The following B3GLCT variants were observed in gnomAD, a reference collection of about 807,000 sequenced individuals.
The protein encoded by B3GLCT is beta 3-glucosyltransferase, also known as beta-1,3-glucosyltransferase.
In B3GLCT, 65 loss-of-function variants were observed where a neutral mutation model predicts 63.4. The observed-to-expected ratio is 1.03, with a 90% CI of 0.84 to 1.26. The LOEUF is 1.26. B3GLCT is among the 50% of genes most tolerant of loss of function. B3GLCT has a pLI of 0.00. For synonymous variants in B3GLCT, 233 were observed against 219.2 expected (o/e 1.06, Z -0.55); for missense variants, 577 against 604.8 (o/e 0.95, Z 0.48).
In B3GLCT at chr13:31,254,360, G is replaced by C. The variant is rs1334583374; in HGVS notation, c.459+6394G>C. On this transcript the variant is annotated intron_variant, in intron 6 of 14. Transcript: ENST00000343307. ...GTTGGCTTCATCCCTGGGATGCAAG[G>C]CTGGCTCAACATATGCAAATCAATA... Among the ~76,000 whole-genome samples, 5 of 152,292 alleles carry C rather than the reference G, an allele frequency of 3.3e-5. No homozygotes were observed. In the East Asian group the frequency reaches 5.8e-4, roughly 18 times the overall value.
chr13:31,317,487 G>A (rs1875102325), intron 12 of B3GLCT, 79 bp from the exon 13 acceptor site: 6 of 1,511,224 alleles, frequency 4.0e-6, no homozygotes, highest in Non-Finnish European at 4.6e-6. Flanking sequence ...TATACAGAGT[G>A]GGATGTAAGA....
chr13:31,329,241 G>A (rs1032779858), intron 14 of B3GLCT, among the ~76,000 whole-genome samples: 1 of 152,142 alleles, frequency 6.6e-6, no homozygotes, highest in Admixed American at 6.5e-5. Context: ...CTATTGTTTA[G>A]GAATCTCCCA....
chr13:31,301,715 A>G (rs1475233132), intron 12 of B3GLCT, among the ~76,000 whole-genome samples: 1 of 152,216 alleles, frequency 6.6e-6, no homozygotes, highest in Non-Finnish European at 1.5e-5. Context: ...GTAATTATAG[A>G]TGGGGTTTCT....
intron 13 of B3GLCT, among the ~76,000 whole-genome samples, chr13:31,318,379 C>A (rs1193829757): frequency 6.6e-6 from 1 of 152,168 alleles, no homozygotes; most frequent in Non-Finnish European, 1.5e-5. Flanking sequence ...TTATACACTT[C>A]TGGAGGGCTA....
intron 1 of B3GLCT, among the ~76,000 whole-genome samples, chr13:31,210,035 C>T (rs971298620): frequency 6.6e-6 from 1 of 152,172 alleles, no homozygotes; most frequent in African/African-American, 2.4e-5. Flanking sequence ...CAATTAATTA[C>T]TCGCCAGTTT....
Position 31,294,566 on chromosome 13 carries a change from A to G in B3GLCT, c.1064+7747A>G, listed in dbSNP as rs113859892. Among the ~76,000 whole-genome samples, 758 of 152,258 alleles carry G rather than the reference A, an allele frequency of 5.0e-3. 6 individuals are homozygous for G. The highest frequency in any genetic ancestry group is 0.017 in the African/African-American group (704 of 41,552). On this transcript the variant is annotated intron_variant, in intron 12 of 14. Transcript: ENST00000343307. ...CTTTATTTCAGTAAGTTGGTCTTCA[A>G]TCCTTGCTATCCTTTCTTCCACTTG...
At chr13:31,300,382 C>T (rs1471449053) in intron 12 of B3GLCT, among the ~76,000 whole-genome samples, 2 of 152,164 alleles carry the variant, frequency 1.3e-5, no homozygotes, top group Admixed American at 1.3e-4. Context: ...ATGTGTTCTT[C>T]CTGCCTGCTG....
chr13:31,200,586 C>G (rs1451369258), intron 1 of B3GLCT, among the ~76,000 whole-genome samples: 2 of 151,280 alleles, frequency 1.3e-5, no homozygotes. Flanking sequence ...CGCCCGCGCT[C>G]CGCCGTCCTG....
chr13:31,309,958 TC>T (rs1355053303), intron 12 of B3GLCT, among the ~76,000 whole-genome samples: 1 of 152,114 alleles, frequency 6.6e-6, no homozygotes, highest in Non-Finnish European at 1.5e-5. Flanking sequence ...CAGATTAAAT[TC>T]CTACCTTGGG....
intron 14 of B3GLCT, among the ~76,000 whole-genome samples, chr13:31,327,041 AG>A: frequency 1.3e-5 from 2 of 152,294 alleles, no homozygotes; most frequent in Middle Eastern, 6.8e-3. Flanking sequence ...CTTTTACAGT[AG>A]TCCTTCCTTA....
At chr13:31,213,616 A>ACC (rs1243633056) in intron 1 of B3GLCT, among the ~76,000 whole-genome samples, 132 of 56,810 alleles carry the variant, frequency 2.3e-3, no homozygotes, top group East Asian at 8.9e-3. Context: ...ACACCCCCCC[A>ACC]CCCCACCCCC....
rs1405273036 is a variant in B3GLCT, at chr13:31,329,631, G to C, written c.1460G>C (p.Arg487Thr). 2 of 1,614,216 alleles carry C rather than the reference G, an allele frequency of 1.2e-6. No individual in the cohort carries two copies. The highest frequency in any genetic ancestry group is 1.7e-6 in the Non-Finnish European group (2 of 1,180,046). The stretch of plus-strand genomic sequence containing the variant: ...GCACCCAGTGACGAAGACAAAGCCA[G>C]GCAGGAGACACAGAAAGGTTTTCGA... Reference protein sequence around the residue: ...WLAPSDEDKARQETQKGFREE... With the variant: ...WLAPSDEDKATQETQKGFREE... Residue 487 changes from arginine to threonine, a missense_variant, in exon 15 of 15, where the codon AGG becomes ACG. By Grantham distance (71) the Arg-to-Thr change is moderately conservative. Coordinates refer to ENST00000343307, the MANE Select transcript of B3GLCT (RefSeq NM_194318.4).
At chr13:31,233,942 A>G (rs1372004593) in intron 4 of B3GLCT, among the ~76,000 whole-genome samples, 2 of 152,226 alleles carry the variant, frequency 1.3e-5, no homozygotes, top group Non-Finnish European at 2.9e-5. Flanking sequence ...TCAACAAGAC[A>G]TAGTCTTGGT....
intron 3 of B3GLCT, among the ~76,000 whole-genome samples, chr13:31,228,021 T>C (rs1380165274): frequency 6.6e-6 from 1 of 152,264 alleles, no homozygotes; most frequent in Non-Finnish European, 1.5e-5. Context: ...GCAGCCTTGC[T>C]ACTGCCATTG....
intron 6 of B3GLCT, among the ~76,000 whole-genome samples, chr13:31,251,252 T>C (rs1023777719): frequency 6.6e-6 from 1 of 152,044 alleles, no homozygotes; most frequent in Non-Finnish European, 1.5e-5. Flanking sequence ...TCCATGAAGA[T>C]TGGGGAGAAA....
intron 12 of B3GLCT, among the ~76,000 whole-genome samples, chr13:31,302,558 G>A (rs1414800882): frequency 1.7e-5 from 2 of 115,342 alleles, no homozygotes; most frequent in African/African-American, 6.6e-5. Context: ...GTCAAAGAAA[G>A]GGGTGACGGA....
rs771729815 is a variant in B3GLCT at position 31,284,690 on chromosome 13, T to C, written c.893T>C (p.Ile298Thr). 87 of 1,611,818 alleles carry C rather than the reference T, an allele frequency of 5.4e-5. No homozygotes were observed. Among genetic ancestry groups the C allele is most frequent in the Non-Finnish European group, 6.8e-5 (80 of 1,178,030 alleles). The change falls in exon 11 of 15, where the codon ATT (isoleucine) becomes ACT (threonine). Residue 298 changes from isoleucine to threonine, a missense_variant. By Grantham distance (89) the Ile-to-Thr change is moderately conservative. Transcript: ENST00000343307. ...KQTWESQASL[I>T]EYYSDYTENS... is the part of the protein sequence containing the mutation. ...ACTTGGGAGAGCCAGGCAAGTCTCATTGAATACTATAGTGACTATACTGAA... is the reference window on the plus strand; with the variant it reads ...ACTTGGGAGAGCCAGGCAAGTCTCACTGAATACTATAGTGACTATACTGAA...
At chr13:31,296,179 C>T (rs1289011178) in intron 12 of B3GLCT, among the ~76,000 whole-genome samples, 1 of 152,248 alleles carries the variant, frequency 6.6e-6, no homozygotes, top group Admixed American at 6.5e-5. Context: ...GCACCAGGTA[C>T]CTCAGTTGGA....
At chr13:31,206,757 A>G (rs993005442) in intron 1 of B3GLCT, among the ~76,000 whole-genome samples, 2 of 152,108 alleles carry the variant, frequency 1.3e-5, no homozygotes, top group African/African-American at 4.8e-5. Context: ...AAAAAACAAA[A>G]GATGATCGGT....
Sources: gnomAD v4.1 joint callset for allele counts (sites outside exome capture counted in the v4.1 genomes callset) on GRCh38, gnomAD v4.1.1 for gene constraint, MANE v1.5 for transcripts, NCBI Gene and HGNC (gene_info 2026-07-23, HGNC 2026-07-21) for gene names.